GALNT14: variants seen among roughly 807,000 people sequenced by gnomAD.
GALNT14 encodes the protein polypeptide N-acetylgalactosaminyltransferase 14.
GALNT14 carries 60 observed loss-of-function variants against 77.5 expected under a neutral mutation model. The ratio of observed to expected loss-of-function variants is 0.77; its 90% CI spans 0.63 to 0.96. GALNT14 has a LOEUF of 0.96. Among genes scored for constraint, GALNT14 ranks in the 40% least tolerant of loss-of-function variants. The pLI is 0.00. For synonymous variants in GALNT14, 280 were observed against 281.7 expected (o/e 0.99, Z 0.06); for missense variants, 710 against 731.0 (o/e 0.97, Z 0.33).
At chr2:31,058,639 G>C (rs982570438) in intron 1 of GALNT14, among the ~76,000 whole-genome samples, 8 of 152,184 alleles carry the variant, frequency 5.3e-5, no homozygotes, top group Non-Finnish European at 1.2e-4. Flanking sequence ...CAGGGCACTA[G>C]ATGGTACTGC....
chr2:31,026,019 T>TA (rs969924626), intron 1 of GALNT14, among the ~76,000 whole-genome samples: 5 of 152,140 alleles, frequency 3.3e-5, no homozygotes, highest in East Asian at 3.9e-4. Context: ...TAAACATATC[T>TA]AAAAAAAATC....
chr2:31,115,195 G>T (rs1312735945), intron 1 of GALNT14, among the ~76,000 whole-genome samples: 2 of 151,908 alleles, frequency 1.3e-5, no homozygotes, highest in African/African-American at 4.8e-5. Flanking sequence ...AGGTTGCAAC[G>T]AGCTATCACC....
At chr2:30,999,542 G>A (rs1241422044) in intron 1 of GALNT14, among the ~76,000 whole-genome samples, 1 of 152,214 alleles carries the variant, frequency 6.6e-6, no homozygotes, top group Non-Finnish European at 1.5e-5. Context: ...TAGACCAACT[G>A]AAGTCAGATG....
At chr2:31,047,540 T>C (rs1022101194) in intron 1 of GALNT14, among the ~76,000 whole-genome samples, 43 of 152,188 alleles carry the variant, frequency 2.8e-4, no homozygotes, top group African/African-American at 9.9e-4. Flanking sequence ...TGGGAGATGA[T>C]GGACACTACA....
intron 8 of GALNT14, among the ~76,000 whole-genome samples, chr2:30,943,053 G>T (rs892168727): frequency 2.6e-5 from 4 of 152,174 alleles, no homozygotes; most frequent in Admixed American, 2.6e-4. Flanking sequence ...ACCGGCCAAG[G>T]AGAGAGGCCT....
chr2:30,945,454 G>C (rs1463511015), intron 7 of GALNT14, among the ~76,000 whole-genome samples: 2 of 152,182 alleles, frequency 1.3e-5, no homozygotes, highest in African/African-American at 4.8e-5. Flanking sequence ...ACGTCTCTAG[G>C]AGAGGGTGGT....
chr2:31,072,537 C>T (rs978834290), intron 1 of GALNT14, among the ~76,000 whole-genome samples: 3 of 152,030 alleles, frequency 2.0e-5, no homozygotes, highest in African/African-American at 7.2e-5. Flanking sequence ...AAAATTCTGC[C>T]TTCCTTTGCC....
At chr2:31,038,474 G>A (rs1672901350) in intron 1 of GALNT14, among the ~76,000 whole-genome samples, 1 of 151,946 alleles carries the variant, frequency 6.6e-6, no homozygotes, top group Admixed American at 6.6e-5. Flanking sequence ...TAAATAAAGA[G>A]AAGCCCTAAG....
At chr2:30,933,506 C>T (rs986080404) in intron 9 of GALNT14, among the ~76,000 whole-genome samples, 1 of 152,182 alleles carries the variant, frequency 6.6e-6, no homozygotes, top group African/African-American at 2.4e-5. Context: ...TGTCTCCTCC[C>T]ACGTTTCCTT....
At chr2:31,043,330 G>T (rs1673218167) in intron 1 of GALNT14, among the ~76,000 whole-genome samples, 1 of 152,070 alleles carries the variant, frequency 6.6e-6, no homozygotes, top group African/African-American at 2.4e-5. Context: ...GATTTACCTT[G>T]TTAACTACGC....
chr2:31,040,090 T>C (rs1166768371), intron 1 of GALNT14, among the ~76,000 whole-genome samples: 1 of 152,202 alleles, frequency 6.6e-6, no homozygotes, highest in Non-Finnish European at 1.5e-5. Context: ...ATCCACACTT[T>C]TTCTTGGAAC....
At chr2:31,007,713 T>C (rs1459334235) in intron 1 of GALNT14, among the ~76,000 whole-genome samples, 1 of 152,204 alleles carries the variant, frequency 6.6e-6, no homozygotes, top group African/African-American at 2.4e-5. Context: ...AGAGCTGCTT[T>C]GGTTTACGTT....
At chr2:31,082,496 A>C (rs565536772) in intron 1 of GALNT14, among the ~76,000 whole-genome samples, 144 of 152,300 alleles carry the variant, frequency 9.5e-4, no homozygotes, top group African/African-American at 3.2e-3. Flanking sequence ...AGTTTCTAGA[A>C]CCAAAGGACT....
intron 1 of GALNT14, among the ~76,000 whole-genome samples, chr2:31,078,430 A>G (rs1316368277): frequency 6.6e-6 from 1 of 152,128 alleles, no homozygotes; most frequent in Non-Finnish European, 1.5e-5. Context: ...TGATAAGAAA[A>G]CCCTATTATT....
At chr2:31,025,549 GAA>G (rs1671990156) in intron 1 of GALNT14, among the ~76,000 whole-genome samples, 1 of 152,194 alleles carries the variant, frequency 6.6e-6, no homozygotes, top group Non-Finnish European at 1.5e-5. Context: ...AGGGAGCAGA[GAA>G]AACACCGGCA....
At chr2:30,911,672 C>G (rs886271566) in intron 14 of GALNT14, among the ~76,000 whole-genome samples, 1 of 152,178 alleles carries the variant, frequency 6.6e-6, no homozygotes, top group Non-Finnish European at 1.5e-5. Context: ...AAATGGACAT[C>G]CAGAGAGGTC....
chr2:31,116,492 A>G (rs2148631643), intron 1 of GALNT14, among the ~76,000 whole-genome samples: 1 of 152,300 alleles, frequency 6.6e-6, no homozygotes, highest in South Asian at 2.1e-4. Context: ...CGATATTAAC[A>G]CCAGATAAGG....
chr2:31,138,151 T>C lies in GALNT14; in HGVS notation c.-65A>G. ...GGGGGCACCCCCCGGCGGTCAGGGT[T>C]GGCGGGGCAGGAGTCCTGGCGAGCG... On this transcript the variant is annotated 5_prime_UTR_variant, in exon 1 of 15. Transcript: ENST00000349752. The C allele has an allele frequency of 6.2e-7, 1 of 1,609,110 alleles. No homozygotes were observed. The highest frequency in any genetic ancestry group is 1.1e-5 in the South Asian group (1 of 90,778).
chr2:31,066,984 C>T (rs1029656913), intron 1 of GALNT14, among the ~76,000 whole-genome samples: 2 of 152,220 alleles, frequency 1.3e-5, no homozygotes, highest in African/African-American at 2.4e-5. Flanking sequence ...CAGCCTTTCC[C>T]TACCCTCTGT....
Sources: gnomAD v4.1 joint callset for allele counts (sites outside exome capture counted in the v4.1 genomes callset) on GRCh38, gnomAD v4.1.1 for gene constraint, MANE v1.5 for transcripts, NCBI Gene and HGNC (gene_info 2026-07-23, HGNC 2026-07-21) for gene names.